The following AGBL1 variants were observed in gnomAD, a reference collection of about 807,000 sequenced individuals.
AGBL1 encodes the protein cytosolic carboxypeptidase 4.
In AGBL1, 130 loss-of-function variants were observed where a neutral mutation model predicts 118.9. That is an observed-to-expected ratio of 1.09 (90% CI 0.95 to 1.26). The LOEUF is 1.26. Among genes scored for constraint, AGBL1 ranks in the 50% most tolerant of loss-of-function variants. The pLI is 0.00. For synonymous variants in AGBL1, 555 were observed against 478.9 expected (o/e 1.16, Z -2.08); for missense variants, 1,584 against 1,298.1 (o/e 1.22, Z -3.38).
intron 23 of AGBL1, among the ~76,000 whole-genome samples, chr15:86,935,838 T>C (rs556383392): frequency 6.6e-6 from 1 of 152,350 alleles, no homozygotes; most frequent in Admixed American, 6.5e-5. Context: ...TGATTAGAAA[T>C]GTGCCTGTAA....
At chr15:86,455,134 T>C (rs1301301846) in intron 18 of AGBL1, among the ~76,000 whole-genome samples, 2 of 152,184 alleles carry the variant, frequency 1.3e-5, no homozygotes, top group Non-Finnish European at 1.5e-5. Flanking sequence ...CAGCTGATGA[T>C]AAAAGCAATG....
chr15:86,510,414 T>C (rs2083040218), intron 18 of AGBL1, among the ~76,000 whole-genome samples: 1 of 152,070 alleles, frequency 6.6e-6, no homozygotes, highest in African/African-American at 2.4e-5. Context: ...AGGGAACAAG[T>C]AAAACCCCAT....
chr15:86,987,073 G>C (rs1011628794), intron 23 of AGBL1, among the ~76,000 whole-genome samples: 2 of 152,164 alleles, frequency 1.3e-5, no homozygotes, highest in Admixed American at 6.5e-5. Context: ...ACAAGGTAAT[G>C]TCATCAGTTA....
At chr15:86,402,659 TG>T (rs1324859725) in intron 18 of AGBL1, among the ~76,000 whole-genome samples, 17 of 152,126 alleles carry the variant, frequency 1.1e-4, no homozygotes, top group Non-Finnish European at 2.4e-4. Context: ...CCAATAAAAA[TG>T]GGCCTTATGG....
At chr15:87,019,865 A>T (rs1375418632) in intron 24 of AGBL1, among the ~76,000 whole-genome samples, 3 of 152,024 alleles carry the variant, frequency 2.0e-5, no homozygotes. Context: ...AAATAGATAT[A>T]CCACTAGTTA....
intron 1 of AGBL1, among the ~76,000 whole-genome samples, chr15:86,114,630 C>T (rs559602698): frequency 1.9e-4 from 29 of 152,156 alleles, no homozygotes; most frequent in Middle Eastern, 3.4e-3. Flanking sequence ...CTTTTTTTCA[C>T]CGATGTCACA....
intron 4 of AGBL1, among the ~76,000 whole-genome samples, chr15:86,156,718 A>T (rs2077196224): frequency 6.6e-6 from 1 of 151,748 alleles, no homozygotes; most frequent in South Asian, 2.1e-4. Context: ...TTAATAGGTG[A>T]CTTTTTATTT....
intron 5 of AGBL1, among the ~76,000 whole-genome samples, chr15:86,202,065 G>A (rs770345686): frequency 6.6e-6 from 1 of 152,196 alleles, no homozygotes; most frequent in Non-Finnish European, 1.5e-5. Context: ...AGACCAAGTG[G>A]GTGGATCACT....
intron 22 of AGBL1, among the ~76,000 whole-genome samples, chr15:86,680,741 A>G (rs957332333): frequency 6.7e-6 from 1 of 150,286 alleles, no homozygotes; most frequent in Non-Finnish European, 1.5e-5. Flanking sequence ...TAATTTTTAT[A>G]TTTTTAGTAG....
chr15:86,863,483 G>A (rs1325256722), intron 22 of AGBL1, among the ~76,000 whole-genome samples: 5 of 151,566 alleles, frequency 3.3e-5, no homozygotes, highest in African/African-American at 9.7e-5. Flanking sequence ...CACAGTAATC[G>A]CTGCCTGAGA....
At chr15:86,119,355 C>A (rs1039374770) in intron 1 of AGBL1, among the ~76,000 whole-genome samples, 3 of 151,216 alleles carry the variant, frequency 2.0e-5, no homozygotes, top group Admixed American at 1.3e-4. Context: ...TTTTTTGGCA[C>A]ACCTCAGTTC....
At chr15:86,359,917 C>T (rs907134182) in intron 17 of AGBL1, among the ~76,000 whole-genome samples, 1 of 151,838 alleles carries the variant, frequency 6.6e-6, no homozygotes, top group Non-Finnish European at 1.5e-5. Context: ...CTGAATTTAT[C>T]TATTGGTACT....
intron 18 of AGBL1, among the ~76,000 whole-genome samples, chr15:86,464,660 A>T (rs1041490387): frequency 1.3e-5 from 2 of 152,144 alleles, no homozygotes; most frequent in Admixed American, 6.5e-5. Context: ...GGGGTGTTGA[A>T]TTTTATAGAA....
At chr15:86,619,654 G>T (rs2084777568) in intron 21 of AGBL1, among the ~76,000 whole-genome samples, 1 of 152,030 alleles carries the variant, frequency 6.6e-6, no homozygotes, top group East Asian at 1.9e-4. Context: ...CATCCTTTTG[G>T]CCTCTGATTC....
intron 3 of AGBL1, among the ~76,000 whole-genome samples, chr15:86,147,551 C>T (rs1042104943): frequency 3.3e-5 from 5 of 152,174 alleles, no homozygotes; most frequent in African/African-American, 9.7e-5. Flanking sequence ...AGCAGCCTGG[C>T]TGGGGGAAGG....
intron 1 of AGBL1, among the ~76,000 whole-genome samples, chr15:86,104,611 C>T (rs1896927230): frequency 6.6e-6 from 1 of 152,124 alleles, no homozygotes; most frequent in Admixed American, 6.5e-5. Flanking sequence ...GGCTTGTTGC[C>T]AATGGCTTGT....
At chr15:86,215,213 GTA>G (rs767410858) in intron 5 of AGBL1, among the ~76,000 whole-genome samples, 3,979 of 139,120 alleles carry the variant, frequency 0.029, 82 homozygotes, top group South Asian at 0.097. Flanking sequence ...GTGTGTGAGT[GTA>G]TATGTATGCG....
At chr15:86,630,955 T>C (rs1185803518) in intron 21 of AGBL1, 6 of 160,866 alleles carry the variant, frequency 3.7e-5, no homozygotes, top group Non-Finnish European at 5.3e-5. Flanking sequence ...GCAGGTGGGC[T>C]GAGGCCTAAA....
At chr15:86,832,542 C>T (rs1596531445) in intron 22 of AGBL1, among the ~76,000 whole-genome samples, 1 of 152,260 alleles carries the variant, frequency 6.6e-6, no homozygotes, top group Middle Eastern at 3.4e-3. Flanking sequence ...TGACAGATTT[C>T]TAGGACAGGG....
Sources: gnomAD v4.1 joint callset for allele counts (sites outside exome capture counted in the v4.1 genomes callset) on GRCh38, gnomAD v4.1.1 for gene constraint, MANE v1.5 for transcripts, NCBI Gene and HGNC (gene_info 2026-07-23, HGNC 2026-07-21) for gene names.